CDK14: variants seen among roughly 807,000 people sequenced by gnomAD.
The protein encoded by CDK14 is cyclin-dependent kinase 14.
In CDK14, 34 loss-of-function variants were observed where a neutral mutation model predicts 60.7. The ratio of observed to expected loss-of-function variants is 0.56; its 90% CI spans 0.43 to 0.75. The LOEUF (loss-of-function observed/expected upper bound fraction) is 0.75, where lower values mean the gene tolerates loss of function less well. CDK14 is among the 30% of genes least tolerant of loss of function. The pLI is 0.00. For synonymous variants in CDK14, 197 were observed against 203.7 expected (o/e 0.97, Z 0.28); for missense variants, 482 against 564.1 (o/e 0.85, Z 1.47).
At chr7:90,704,570 C>A (rs1200281747) in intron 2 of CDK14, among the ~76,000 whole-genome samples, 2 of 152,092 alleles carry the variant, frequency 1.3e-5, no homozygotes, top group Non-Finnish European at 2.9e-5. Context: ...TGTAATTTAA[C>A]AGAATGTAAA....
chr7:90,819,832 A>C (rs1789480520), intron 5 of CDK14, among the ~76,000 whole-genome samples: 1 of 152,226 alleles, frequency 6.6e-6, no homozygotes, highest in Non-Finnish European at 1.5e-5. Context: ...CAATAAGTTA[A>C]GAAAGTACAC....
intron 12 of CDK14, among the ~76,000 whole-genome samples, chr7:91,091,136 C>T (rs1351905797): frequency 6.6e-6 from 1 of 151,296 alleles, no homozygotes; most frequent in African/African-American, 2.4e-5. Context: ...TGGCTTAAGC[C>T]TGTAATCCCA....
At chr7:90,925,203 C>A in intron 8 of CDK14, among the ~76,000 whole-genome samples, 1 of 152,064 alleles carries the variant, frequency 6.6e-6, no homozygotes, top group East Asian at 1.9e-4. Context: ...AGTTTTTAAT[C>A]AGAAAGGATA....
intron 8 of CDK14, among the ~76,000 whole-genome samples, chr7:90,941,246 G>T (rs1793923969): frequency 6.6e-6 from 1 of 152,178 alleles, no homozygotes; most frequent in Non-Finnish European, 1.5e-5. Flanking sequence ...AAGCATGGAT[G>T]CACCAAAGTG....
intron 8 of CDK14, among the ~76,000 whole-genome samples, chr7:90,943,831 G>A (rs1024699702): frequency 6.6e-6 from 1 of 152,174 alleles, no homozygotes; most frequent in African/African-American, 2.4e-5. Context: ...AGTTGGGGTG[G>A]GTCCTGCTAC....
chr7:90,928,917 C>T (rs1793505818), intron 8 of CDK14, among the ~76,000 whole-genome samples: 1 of 152,290 alleles, frequency 6.6e-6, no homozygotes, highest in Admixed American at 6.5e-5. Flanking sequence ...CAAGCCTCAG[C>T]AATGGCGACG....
chr7:90,907,885 A>G (rs899873131), intron 7 of CDK14, among the ~76,000 whole-genome samples: 1 of 152,144 alleles, frequency 6.6e-6, no homozygotes, highest in Non-Finnish European at 1.5e-5. Context: ...TGATTTCTAA[A>G]TGAGACTTTC....
intron 11 of CDK14, among the ~76,000 whole-genome samples, chr7:91,065,550 G>A (rs1360104222): frequency 6.6e-6 from 1 of 152,172 alleles, no homozygotes; most frequent in Admixed American, 6.5e-5. Context: ...CTGTTCCAAG[G>A]ACTATAGATT....
At chr7:91,159,407 T>A (rs1346200268) in intron 14 of CDK14, among the ~76,000 whole-genome samples, 1 of 152,214 alleles carries the variant, frequency 6.6e-6, no homozygotes, top group Non-Finnish European at 1.5e-5. Context: ...GCCTACTGCC[T>A]CAGTGGTGAA....
intron 3 of CDK14, among the ~76,000 whole-genome samples, chr7:90,737,859 A>G (rs1387373377): frequency 1.3e-5 from 2 of 152,270 alleles, no homozygotes; most frequent in Non-Finnish European, 2.9e-5. Flanking sequence ...GTTTTCCTCA[A>G]TTCAGGGGGT....
intron 5 of CDK14, among the ~76,000 whole-genome samples, chr7:90,791,697 G>A (rs1342598264): frequency 4.0e-5 from 6 of 151,774 alleles, no homozygotes; most frequent in Admixed American, 1.3e-4. Flanking sequence ...TATCTTTAGC[G>A]GAAACTGTTC....
At chr7:90,633,278 AT>A (rs971439624) in intron 2 of CDK14, among the ~76,000 whole-genome samples, 2 of 152,168 alleles carry the variant, frequency 1.3e-5, no homozygotes, top group African/African-American at 4.8e-5. Flanking sequence ...CATATTATTT[AT>A]GTTGACTATT....
chr7:90,937,853 G>A (rs17163375), intron 8 of CDK14, among the ~76,000 whole-genome samples: 1,585 of 152,146 alleles, frequency 0.01, 27 homozygotes, highest in African/African-American at 0.035. Flanking sequence ...TAAAGCATTT[G>A]GTTCAGTGAG....
intron 2 of CDK14, among the ~76,000 whole-genome samples, chr7:90,633,177 A>T (rs1003625621): frequency 1.3e-5 from 2 of 152,114 alleles, no homozygotes; most frequent in African/African-American, 4.8e-5. Context: ...ATTAATGAAA[A>T]TGTGTTCATT....
chr7:90,696,344 T>C (rs1423463245), intron 2 of CDK14, among the ~76,000 whole-genome samples: 59 of 133,412 alleles, frequency 4.4e-4, no homozygotes, highest in Non-Finnish European at 5.9e-4. Context: ...TTCTTTTTTT[T>C]TTTTTTTTTT....
chr7:91,055,095 A>C (rs1797511097), intron 11 of CDK14, among the ~76,000 whole-genome samples: 1 of 152,200 alleles, frequency 6.6e-6, no homozygotes, highest in Non-Finnish European at 1.5e-5. Context: ...AAAAGCGAGT[A>C]CTAACTCACA....
At chr7:90,871,471 G>A (rs576189407) in intron 6 of CDK14, among the ~76,000 whole-genome samples, 3 of 152,258 alleles carry the variant, frequency 2.0e-5, no homozygotes, top group South Asian at 2.1e-4. Flanking sequence ...AGAGAAAAAG[G>A]TAGTGTATAT....
chr7:90,710,458 C>T (rs1802018699), intron 2 of CDK14: 1 of 984,810 alleles, frequency 1.0e-6, no homozygotes, highest in Admixed American at 6.2e-5. Context: ...GAATAAATAT[C>T]TCTAATATAT....
intron 9 of CDK14, among the ~76,000 whole-genome samples, chr7:90,977,004 A>G (rs1358084569): frequency 6.6e-6 from 1 of 152,092 alleles, no homozygotes; most frequent in Non-Finnish European, 1.5e-5. Context: ...TTGATGTCTT[A>G]TTCATGAAAT....
Sources: gnomAD v4.1 joint callset for allele counts (sites outside exome capture counted in the v4.1 genomes callset) on GRCh38, gnomAD v4.1.1 for gene constraint, MANE v1.5 for transcripts, NCBI Gene and HGNC (gene_info 2026-07-23, HGNC 2026-07-21) for gene names.